DGKQ: variants seen among roughly 807,000 people sequenced by gnomAD.
DGKQ encodes the protein DAG kinase theta.
A neutral mutation model predicts 104.2 loss-of-function variants in DGKQ; 97 were observed. The observed-to-expected ratio is 0.93, with a 90% CI of 0.79 to 1.10. The LOEUF is 1.10. Ranked by LOEUF, DGKQ falls within the 50% of genes least tolerant of loss-of-function variation. The probability of loss-of-function intolerance (pLI) is 0.00; values close to 1 mark genes in which losing one functional copy is unlikely to be tolerated. For synonymous variants in DGKQ, 736 were observed against 595.2 expected (o/e 1.24, Z -3.44); for missense variants, 1,465 against 1,352.1 (o/e 1.08, Z -1.31).
At position 971,004 on chromosome 4, in the gene DGKQ, T is replaced by C. The variant is rs1423674413; in HGVS notation, c.340A>G (p.Ser114Gly). The C allele has an allele frequency of 1.3e-6, 2 of 1,552,248 alleles. No individual in the cohort carries two copies. Among genetic ancestry groups the C allele is most frequent in the Admixed American group, 2.0e-5 (1 of 51,222 alleles). ...AGCCCCACACTCACCCGGACCAGGC[T>C]GGGTGCCACACTCGTGCACGGGATC... ...VRIPCTSVAPSLVRVPVAHCF... is the reference protein window; with the variant it reads ...VRIPCTSVAPGLVRVPVAHCF... Residue 114 changes from serine (S) to glycine (G), a missense_variant, in exon 2 of 23, where the codon AGC becomes GGC. Physicochemically the swap from Ser to Gly is moderately conservative, Grantham distance 56. Transcript: ENST00000273814. The surrounding 1 kb of genome is among the most constrained non-coding windows in gnomAD (Gnocchi z 4.0).
Position 965,210 on chromosome 4 carries a change from C to T in DGKQ, c.1700G>A (p.Arg567Gln), listed in dbSNP as rs764189185. 1.5e-5 allele frequency: 24 copies of T among 1,612,506 alleles called. No individual in the cohort carries two copies. Among genetic ancestry groups the T allele is most frequent in the Middle Eastern group, 1.6e-4 (1 of 6,082 alleles). ...MLLKDMAVRG[R>Q]LLTALVLPDL... Reference sequence around the variant, plus strand: ...GGGGAGCACCAGGGCAGTGAGCAGCCGGCCCCGCACAGCCATGTCCTTCAG... The same window carrying T: ...GGGGAGCACCAGGGCAGTGAGCAGCTGGCCCCGCACAGCCATGTCCTTCAG... The change falls in exon 15 of 23, where the codon CGG becomes CAG. Residue 567 changes from arginine to glutamine, a missense_variant. Transcript: ENST00000273814.
chr4:965,318 G>T, intron 14 of DGKQ, 27 bp from the exon 15 acceptor site: 1 of 1,606,066 alleles, frequency 6.2e-7, no homozygotes, highest in Non-Finnish European at 8.5e-7. Context: ...GGACTCAGGG[G>T]GAGCCTGTCC....
At chr4:972,941 G>A (rs1261645803) in intron 1 of DGKQ, among the ~76,000 whole-genome samples, 3 of 152,228 alleles carry the variant, frequency 2.0e-5, no homozygotes. Flanking sequence ...CCCAGCTGAG[G>A]TCCCGCTCGC....
At position 959,317 on chromosome 4, in the gene DGKQ, C is replaced by T. The variant is rs1711686476; in HGVS notation, c.*1303G>A. On this transcript the variant is annotated 3_prime_UTR_variant, in exon 23 of 23. Coordinates refer to ENST00000273814, the MANE Select transcript of DGKQ (RefSeq NM_001347.4). Reference sequence around the variant, plus strand: ...CAAAGCCACACCCAGGAAAGCTCCGCAGGATTGGAGGCCCAGGCCAGCTGT... The same window carrying T: ...CAAAGCCACACCCAGGAAAGCTCCGTAGGATTGGAGGCCCAGGCCAGCTGT... The T allele has an allele frequency of 6.6e-6, 1 of 152,548 alleles. No homozygotes were observed. The highest frequency in any genetic ancestry group is 6.5e-5 in the Admixed American group (1 of 15,284). 9.4% of individuals were successfully genotyped at this position (152,548 alleles called of 1,614,324 possible).
Position 971,525 on chromosome 4 carries a change from G to A in DGKQ, c.272-453C>T, listed in dbSNP as rs112487120. 2.0e-4 allele frequency among the ~76,000 whole-genome samples: 30 copies of A among 152,332 alleles called. No individual in the cohort carries two copies. Among genetic ancestry groups the A allele is most frequent in the African/African-American group, 6.0e-4 (25 of 41,576 alleles). ...TTGTCCCTGCTACGTGCTGTGCACC[G>A]TGCCTGAGACCGAGAGCCACCCAAG... On this transcript the variant is annotated intron_variant, in intron 1 of 22. Transcript: ENST00000273814. This position sits in a 1 kb window ranked among gnomAD's most constrained non-coding sequence, Gnocchi z 4.0.
chr4:971,751 C>T lies in DGKQ; in HGVS notation c.272-679G>A, dbSNP rs933336605. ...CCGGGGCAGAAGGGAGGGCAGGAACCCTGGGCTGGGGCAAAGGCTGCGGGG... is the reference window on the plus strand; with the variant it reads ...CCGGGGCAGAAGGGAGGGCAGGAACTCTGGGCTGGGGCAAAGGCTGCGGGG... On this transcript the variant is annotated intron_variant, in intron 1 of 22. Coordinates refer to ENST00000273814, the MANE Select transcript of DGKQ (RefSeq NM_001347.4). The surrounding 1 kb of genome is among the most constrained non-coding windows in gnomAD (Gnocchi z 4.0). 1.3e-5 allele frequency among the ~76,000 whole-genome samples: 2 copies of T among 152,104 alleles called. No individual in the cohort carries two copies. The highest frequency in any genetic ancestry group is 4.8e-5 in the African/African-American group (2 of 41,408).
chr4:961,536 G>A lies in DGKQ; in HGVS notation c.2505C>T (p.Thr835=). ...CGTCCATGCGTGGCTTCTCAAACCT[G>A]GTGTCGCTGTCGGAGCCCCACAGGT... ...GADLWGSDSD[T]RFEKPRMDDG... is the part of the protein sequence containing the mutation. The change falls in exon 21 of 23, where the codon ACC becomes ACT. Residue 835 remains threonine, a synonymous_variant. Transcript: ENST00000273814. 1.2e-6 allele frequency: 2 copies of A among 1,609,410 alleles called. No homozygotes were observed. The highest frequency in any genetic ancestry group is 1.7e-6 in the Non-Finnish European group (2 of 1,178,778).
At chr4:968,119 GACCCACC>G in intron 5 of DGKQ, 92 bp from the exon 6 acceptor site, 2 of 873,748 alleles carry the variant, frequency 2.3e-6, no homozygotes, top group Non-Finnish European at 3.1e-6. Flanking sequence ...ACACGACGCA[GACCCACC>G]TGGACCCCGT....
intron 1 of DGKQ, among the ~76,000 whole-genome samples, chr4:972,913 G>A (rs1275309500): frequency 6.6e-6 from 1 of 152,248 alleles, no homozygotes; most frequent in Non-Finnish European, 1.5e-5. Flanking sequence ...ACTGGGAGAG[G>A]AAGCCGGCCA....
chr4:966,758 G>T lies in DGKQ; in HGVS notation c.1356C>A (p.Gly452=). The change falls in exon 11 of 23, where the codon GGC becomes GGA. Residue 452 remains glycine, a synonymous_variant. Coordinates refer to ENST00000273814, the MANE Select transcript of DGKQ (RefSeq NM_001347.4). ...ESFQLVEVAM[G]CRHVQRTMLM... is the part of the protein sequence containing the mutation. ...GGGCTGTCTACTCACCGTGCCTGCAGCCCATCGCCACCTCCACCAGCTGGA... is the reference window on the plus strand; with the variant it reads ...GGGCTGTCTACTCACCGTGCCTGCATCCCATCGCCACCTCCACCAGCTGGA... 6.2e-7 allele frequency: 1 copy of T among 1,608,956 alleles called. No individual in the cohort carries two copies. The highest frequency in any genetic ancestry group is 1.7e-4 in the Middle Eastern group (1 of 6,054).
Position 973,533 on chromosome 4 carries a change from A to G in DGKQ, c.-51T>C. Reference sequence around the variant, plus strand: ...TTTAGGTCCGCGCCGGGGGTACAGGAGCCGCCGCTCCACGGCCCGGTACAC... The same window carrying G: ...TTTAGGTCCGCGCCGGGGGTACAGGGGCCGCCGCTCCACGGCCCGGTACAC... On this transcript the variant is annotated 5_prime_UTR_variant, in exon 1 of 23. Coordinates refer to ENST00000273814, the MANE Select transcript of DGKQ (RefSeq NM_001347.4). The G allele has an allele frequency of 1.0e-6, 1 of 981,808 alleles. No individual in the cohort carries two copies. The highest frequency in any genetic ancestry group is 1.2e-6 in the Non-Finnish European group (1 of 828,428). The allele number at this position is 981,808 out of a possible 1,614,324, so 60.8% of individuals were successfully genotyped here.
chr4:966,877 C>T (rs1361605046), intron 10 of DGKQ, 75 bp from the exon 11 acceptor site: 1 of 1,561,114 alleles, frequency 6.4e-7, no homozygotes, highest in African/African-American at 1.4e-5. Flanking sequence ...ACAGCCACGC[C>T]TGGGCTGGGA....
At chr4:970,915 G>A (rs948770526) in intron 2 of DGKQ, 78 bp downstream of exon 2, 96 of 1,167,458 alleles carry the variant, frequency 8.2e-5, no homozygotes, top group Non-Finnish European at 1.1e-4. Context: ...TGACATGAAG[G>A]TTTTCAGTGC....
At position 968,710 on chromosome 4, in the gene DGKQ, C is replaced by A. The variant is rs896653595; in HGVS notation, c.451+101G>T. 21 of 1,351,658 alleles carry A rather than the reference C, an allele frequency of 1.6e-5. No homozygotes were observed. The African/African-American group carries it at 3.0e-4, about 20-fold the overall frequency. The allele number at this position is 1,351,658 out of a possible 1,614,324, so 83.7% of individuals were successfully genotyped here. The stretch of plus-strand genomic sequence containing the variant: ...CTGCCAGGCGGCCAGCCCTTGGCCT[C>A]CCCCATCACCCCTGACAAGCTGCAC... On this transcript the variant is annotated intron_variant, in intron 3 of 22. Coordinates refer to ENST00000273814, the MANE Select transcript of DGKQ (RefSeq NM_001347.4).
At position 965,977 on chromosome 4, in the gene DGKQ, C is replaced by T. The variant is rs140160290; in HGVS notation, c.1530G>A (p.Leu510=). The change falls in exon 13 of 23, where the codon CTG becomes CTA. Residue 510 remains leucine, a synonymous_variant. Transcript: ENST00000273814. ...GCAGGCTGCTGTACTCCTCGGGAGACAGGCCGGGAGGCAGGCCGCCAACAA... is the reference window on the plus strand; with the variant it reads ...GCAGGCTGCTGTACTCCTCGGGAGATAGGCCGGGAGGCAGGCCGCCAACAA... ...SLFVGGLPPG[L]SPEEYSSLLH... is the part of the protein sequence containing the mutation. 107 of 1,605,720 alleles carry T rather than the reference C, an allele frequency of 6.7e-5. No homozygotes were observed. In the African/African-American group the frequency reaches 1.2e-3, roughly 18 times the overall value.
At position 962,019 on chromosome 4, in the gene DGKQ, G is replaced by C. The variant is rs973243511; in HGVS notation, c.2278C>G (p.Gln760Glu). The C allele has an allele frequency of 3.1e-6, 5 of 1,613,180 alleles. No individual in the cohort carries two copies. The highest frequency in any genetic ancestry group is 4.2e-6 in the Non-Finnish European group (5 of 1,179,946). The change falls in exon 19 of 23, where the codon CAG becomes GAG. Residue 760 changes from glutamine to glutamate, a missense_variant. Physicochemically the swap from Gln to Glu is conservative, Grantham distance 29. Transcript: ENST00000273814. ...IDAELSLDFH[Q>E]AREEEPGKFT... ...TTGCCAGGCTCCTCTTCCCGTGCCT[G>C]GTGGAAGTCCAGGCTCAGCTCCGCG... is the stretch of plus-strand genomic sequence containing the variant.
In DGKQ at chr4:973,312, G is replaced by C. The variant is rs1222310459; in HGVS notation, c.171C>G (p.Ala57=). 3 of 1,481,392 alleles carry C rather than the reference G, an allele frequency of 2.0e-6. No homozygotes were observed. The highest frequency in any genetic ancestry group is 3.0e-5 in the East Asian group (1 of 33,186). 91.8% of individuals were successfully genotyped at this position (1,481,392 alleles called of 1,614,324 possible). A position where few individuals can be genotyped will look rare whatever the true frequency, so the allele number is the denominator to read the frequency against. The change falls in exon 1 of 23, where the codon GCC becomes GCG. Residue 57 remains alanine, a synonymous_variant. Coordinates refer to ENST00000273814, the MANE Select transcript of DGKQ (RefSeq NM_001347.4). ...CCTTCCGGAAGCTGTGTCCCGGCGC[G>C]GCAGCGGGGCCCGGGGCTCTGACGC... The part of the protein sequence containing the change: ...RAGVRAPGPA[A]APGHSFRKVT...
At position 966,961 on chromosome 4, in the gene DGKQ, C is replaced by T. The variant is rs1406288636; in HGVS notation, c.1311+3G>A. 6.4e-7 allele frequency: 1 copy of T among 1,560,050 alleles called. No homozygotes were observed. The highest frequency in any genetic ancestry group is 8.7e-7 in the Non-Finnish European group (1 of 1,154,692). Reference sequence around the variant, plus strand: ...GCATGGGGAGCAGGCACAGGGTACGCACCTGGCGGCCGAGCAGCGGCAGGA... The same window carrying T: ...GCATGGGGAGCAGGCACAGGGTACGTACCTGGCGGCCGAGCAGCGGCAGGA... On this transcript the variant is annotated splice_donor_region_variant and intron_variant, in intron 10 of 22. Transcript: ENST00000273814.
At position 967,784 on chromosome 4, in the gene DGKQ, G is replaced by GCGCCGTCGC; in HGVS notation, c.821_829dup (p.Gly274_Gly276dup). Reference sequence around the variant, plus strand: ...TGGACCCACGGCAGCGCTCCCGTCGGCGCCGTCGCCCCCCTCGCCTGCGGG... The same window carrying GCGCCGTCGC: ...TGGACCCACGGCAGCGCTCCCGTCGGCGCCGTCGCCGCCGTCGCCCCCCTCGCCTGCGGG... On this transcript the variant is annotated inframe_insertion, in exon 7 of 23. Transcript: ENST00000273814. 1.2e-6 allele frequency: 2 copies of GCGCCGTCGC among 1,604,820 alleles called. No individual in the cohort carries two copies. Among genetic ancestry groups the GCGCCGTCGC allele is most frequent in the South Asian group, 2.2e-5 (2 of 90,256 alleles).
Sources: gnomAD v4.1 joint callset for allele counts (sites outside exome capture counted in the v4.1 genomes callset) on GRCh38, gnomAD v4.1.1 for gene constraint, Gnocchi (gnomAD v3.1) non-coding constraint, MANE v1.5 for transcripts, NCBI Gene and HGNC (gene_info 2026-07-23, HGNC 2026-07-21) for gene names.